The following DYNC2LI1 variants were observed in gnomAD, a reference collection of about 807,000 sequenced individuals.
DYNC2LI1 encodes cytoplasmic dynein 2 light intermediate chain 1.
DYNC2LI1 carries 45 observed loss-of-function variants against 51.9 expected under a neutral mutation model. The observed-to-expected ratio is 0.87, with a 90% CI of 0.68 to 1.11. DYNC2LI1 has a LOEUF of 1.11. DYNC2LI1 is among the 50% of genes most tolerant of loss of function. The pLI, the probability that DYNC2LI1 is intolerant of heterozygous loss-of-function variation, is 0.00. For synonymous variants in DYNC2LI1, 130 were observed against 137.8 expected (o/e 0.94, Z 0.40); for missense variants, 490 against 417.4 (o/e 1.17, Z -1.51).
chr2:43,804,783 T>C (rs1296996838), intron 11 of DYNC2LI1, 44 bp downstream of exon 11: 2 of 1,240,780 alleles, frequency 1.6e-6, no homozygotes, highest in African/African-American at 3.0e-5. Flanking sequence ...TTTAGCACTG[T>C]CTAACAGTTA....
chr2:43,794,606 G>T lies in DYNC2LI1; in HGVS notation c.470G>T (p.Arg157Ile). 1.2e-6 allele frequency: 2 copies of T among 1,614,086 alleles called. No individual in the cohort carries two copies. The highest frequency in any genetic ancestry group is 2.2e-5 in the South Asian group (2 of 91,078). ...AATGCTAAAGCAGTTTCTGAAATGA[G>T]ACAGAAGATCTGGAATAATATGCCG... ...KTNAKAVSEM[R>I]QKIWNNMPKD... is the part of the protein sequence containing the mutation. Residue 157 changes from arginine (R) to isoleucine (I), a missense_variant, in exon 6 of 13, where the codon AGA becomes ATA. Transcript: ENST00000260605.
intron 10 of DYNC2LI1, among the ~76,000 whole-genome samples, chr2:43,804,278 A>G (rs1666166594): frequency 6.6e-6 from 1 of 152,206 alleles, no homozygotes; most frequent in African/African-American, 2.4e-5. Flanking sequence ...TTTTTCACTG[A>G]TAACAAATTA....
At chr2:43,813,708 CGTTTTT>C (rs1458107289), downstream of DYNC2LI1, among the ~76,000 whole-genome samples, 35 of 35,368 alleles carry the variant, frequency 9.9e-4, no homozygotes, top group African/African-American at 3.0e-3. Flanking sequence ...TTTTTTTTTT[CGTTTTT>C]TTTTTTTTTT....
intron 5 of DYNC2LI1, among the ~76,000 whole-genome samples, chr2:43,791,359 C>T (rs962281999): frequency 3.3e-5 from 5 of 152,108 alleles, no homozygotes; most frequent in African/African-American, 4.8e-5. Context: ...GTTTTATTAC[C>T]TCACTCCCCT....
chr2:43,805,181 G>T lies in DYNC2LI1; in HGVS notation c.928G>T (p.Asp310Tyr), dbSNP rs1558698902. 6.2e-7 allele frequency: 1 copy of T among 1,611,778 alleles called. No individual in the cohort carries two copies. Among genetic ancestry groups the T allele is most frequent in the African/African-American group, 1.3e-5 (1 of 74,968 alleles). ...TATTAACACGCTGAAAGATATCAAG[G>T]ACCCTGCGAGAGATCCTCAGTATGC... ...KSINTLKDIKDPARDPQYAEN... is the reference protein window; with the variant it reads ...KSINTLKDIKYPARDPQYAEN... The change falls in exon 12 of 13, where the codon GAC (aspartate) becomes TAC (tyrosine). Residue 310 changes from aspartate to tyrosine, a missense_variant. Transcript: ENST00000260605.
At chr2:43,824,081 C>A in the DYNC2LI1 span, 1 of 1,614,248 alleles carries the variant, frequency 6.2e-7, no homozygotes, top group Non-Finnish European at 8.5e-7. Context: ...CGCGTAATCA[C>A]TGCCAGCTTA....
chr2:43,792,989 T>G, intron 5 of DYNC2LI1: 1 of 461,172 alleles, frequency 2.2e-6, no homozygotes, highest in Non-Finnish European at 3.5e-6. Context: ...TTTAAATCTC[T>G]TCCTTCAGTT....
At chr2:43,788,931 A>C (rs1673648979) in intron 4 of DYNC2LI1, among the ~76,000 whole-genome samples, 1 of 152,190 alleles carries the variant, frequency 6.6e-6, no homozygotes, top group African/African-American at 2.4e-5. Context: ...CACTGCACCC[A>C]ACCCTAGATG....
intron 5 of DYNC2LI1, among the ~76,000 whole-genome samples, chr2:43,790,311 C>A (rs1673718288): frequency 1.3e-5 from 2 of 152,144 alleles, no homozygotes; most frequent in South Asian, 4.1e-4. Context: ...TGTGACATTT[C>A]TTAGTGTTCC....
downstream of DYNC2LI1, chr2:43,810,452 C>T (rs922727268): frequency 1.0e-6 from 1 of 985,228 alleles, no homozygotes; most frequent in African/African-American, 1.7e-5. Flanking sequence ...AGGATTATTT[C>T]CAAGGTGGGA....
chr2:43,796,397 A>C (rs17031572), intron 7 of DYNC2LI1, among the ~76,000 whole-genome samples: 3,292 of 151,948 alleles, frequency 0.022, 81 homozygotes, highest in African/African-American at 0.062. Context: ...CCAACTTTTA[A>C]ATGGAAGAAA....
chr2:43,782,011 A>G lies in DYNC2LI1; in HGVS notation c.127-1509A>G, dbSNP rs1048484772. On this transcript the variant is annotated intron_variant, in intron 2 of 12. Transcript: ENST00000260605. The stretch of plus-strand genomic sequence containing the variant: ...TACATTTGTGTGTTTGTTTCTGTCT[A>G]TGTGTGTGTGTGTGTGTGTGTGTGT... Among the ~76,000 whole-genome samples, 26 of 148,744 alleles carry G rather than the reference A, an allele frequency of 1.7e-4. 1 individual carries two copies. Among genetic ancestry groups the G allele is most frequent in the African/African-American group, 4.7e-4 (19 of 40,542 alleles).
the DYNC2LI1 span, chr2:43,828,136 A>C: frequency 1.2e-6 from 2 of 1,613,726 alleles, no homozygotes; most frequent in Non-Finnish European, 1.7e-6. Flanking sequence ...CACAAATTAC[A>C]GGAAGGCTGG....
the DYNC2LI1 span, chr2:43,822,470 TCCCCCAGGCC>T: frequency 2.8e-6 from 1 of 354,566 alleles, no homozygotes; most frequent in Non-Finnish European, 3.6e-6. Context: ...CTTTCTCCCC[TCCCCCAGGCC>T]CCCCCCCATG....
the DYNC2LI1 span, among the ~76,000 whole-genome samples, chr2:43,821,468 G>C: frequency 2.6e-5 from 4 of 152,144 alleles, no homozygotes; most frequent in Non-Finnish European, 5.9e-5. Context: ...CAGGATTTCA[G>C]AGTCTGAGGA....
intron 3 of DYNC2LI1, among the ~76,000 whole-genome samples, chr2:43,786,732 A>G (rs1041807033): frequency 4.6e-5 from 7 of 152,154 alleles, no homozygotes; most frequent in Non-Finnish European, 1.0e-4. Context: ...AGGCTGAGGC[A>G]GGAGAATGGC....
In DYNC2LI1 at chr2:43,809,996, A is replaced by G. The variant is rs1054365484; in HGVS notation, c.*229A>G. On this transcript the variant is annotated 3_prime_UTR_variant, in exon 13 of 13. Transcript: ENST00000260605. Reference sequence around the variant, plus strand: ...TTTTTTTAAAATAAAAGAATCTTCTACTACCTACCTCTAACATGTTTAAGT... The same window carrying G: ...TTTTTTTAAAATAAAAGAATCTTCTGCTACCTACCTCTAACATGTTTAAGT... The G allele has an allele frequency of 1.7e-6, 2 of 1,181,706 alleles. No individual in the cohort carries two copies. The highest frequency in any genetic ancestry group is 1.6e-5 in the African/African-American group (1 of 63,336). 73.2% of individuals were successfully genotyped at this position (1,181,706 alleles called of 1,614,324 possible).
chr2:43,795,272 G>A (rs908217691), intron 6 of DYNC2LI1: 5 of 810,780 alleles, frequency 6.2e-6, no homozygotes, highest in African/African-American at 1.9e-5. Flanking sequence ...TTGGGTGGCC[G>A]AGGCGGGCGG....
At chr2:43,796,407 A>G (rs1249642334) in intron 7 of DYNC2LI1, among the ~76,000 whole-genome samples, 3 of 152,228 alleles carry the variant, frequency 2.0e-5, no homozygotes, top group Non-Finnish European at 4.4e-5. Context: ...AATGGAAGAA[A>G]GTAGAAAATT....
Sources: allele counts gnomAD v4.1 joint callset (sites outside exome capture counted in the v4.1 genomes callset), GRCh38; gene constraint gnomAD v4.1.1; transcripts MANE v1.5; gene names NCBI Gene and HGNC (gene_info 2026-07-23, HGNC 2026-07-21).